Variants in RPTOR observed in about 807,000 individuals in gnomAD.
RPTOR encodes the protein regulatory-associated protein of mTOR.
In RPTOR, 21 loss-of-function variants were observed where a neutral mutation model predicts 169.9. That is an observed-to-expected ratio of 0.12 (90% CI 0.09 to 0.18). The LOEUF (loss-of-function observed/expected upper bound fraction) is 0.18, where lower values mean the gene tolerates loss of function less well. Among genes scored for constraint, RPTOR ranks in the 10% least tolerant of loss-of-function variants. RPTOR has a pLI of 1.00. For synonymous variants in RPTOR, 732 were observed against 753.2 expected (o/e 0.97, Z 0.46); for missense variants, 1,133 against 1,855.9 (o/e 0.61, Z 7.16).
At chr17:80,786,403 T>C (rs1372448573) in intron 6 of RPTOR, among the ~76,000 whole-genome samples, 2 of 152,234 alleles carry the variant, frequency 1.3e-5, no homozygotes, top group Non-Finnish European at 2.9e-5. Flanking sequence ...AATAGTTATT[T>C]GTATGATATT....
At chr17:80,892,349 C>T (rs1010611713) in intron 18 of RPTOR, among the ~76,000 whole-genome samples, 5 of 152,112 alleles carry the variant, frequency 3.3e-5, no homozygotes, top group Non-Finnish European at 7.4e-5. Context: ...TTCTAGGAAG[C>T]CCAGGAGGGG....
rs1252651510 is a variant in RPTOR, at chr17:80,820,688, T to A, written c.891-1513T>A. Reference sequence around the variant, plus strand: ...TCCTCCTGCGCACAGTGGACATGCTTGTTCTGAAGCGAGAGCAGACTGGGG... The same window carrying A: ...TCCTCCTGCGCACAGTGGACATGCTAGTTCTGAAGCGAGAGCAGACTGGGG... On this transcript the variant is annotated intron_variant, in intron 7 of 33. Transcript: ENST00000306801. The surrounding 1 kb of genome is among the most constrained non-coding windows in gnomAD (Gnocchi z 4.1). Among the ~76,000 whole-genome samples, 1 of 152,138 alleles carries A rather than the reference T, an allele frequency of 6.6e-6. No individual in the cohort carries two copies. Among genetic ancestry groups the A allele is most frequent in the Non-Finnish European group, 1.5e-5 (1 of 68,014 alleles).
chr17:80,660,815 C>A (rs1403906729), intron 3 of RPTOR, among the ~76,000 whole-genome samples: 1 of 152,132 alleles, frequency 6.6e-6, no homozygotes, highest in Non-Finnish European at 1.5e-5. Context: ...CCCCCATTCC[C>A]ATCGTTCCCC....
intron 1 of RPTOR, among the ~76,000 whole-genome samples, chr17:80,618,887 C>A (rs970548800): frequency 6.6e-6 from 1 of 152,148 alleles, no homozygotes; most frequent in Admixed American, 6.5e-5. Flanking sequence ...GTGCTTCCTG[C>A]GGGTTTGGTG....
At chr17:80,868,729 T>C (rs998772901) in intron 13 of RPTOR, among the ~76,000 whole-genome samples, 2 of 152,176 alleles carry the variant, frequency 1.3e-5, no homozygotes, top group Non-Finnish European at 1.5e-5. Context: ...AGCCTAAATA[T>C]ACATTAACAA....
chr17:80,608,473 G>A (rs967638753), intron 1 of RPTOR, among the ~76,000 whole-genome samples: 3 of 152,086 alleles, frequency 2.0e-5, no homozygotes, highest in Admixed American at 6.5e-5. Flanking sequence ...GTTTGTCACC[G>A]ATAATCCAGA....
At chr17:80,743,874 G>C (rs1156712644) in intron 5 of RPTOR, among the ~76,000 whole-genome samples, 8 of 92,898 alleles carry the variant, frequency 8.6e-5, no homozygotes, top group South Asian at 3.7e-4. Flanking sequence ...TACTAGCACA[G>C]CCCTGGCTAC....
intron 1 of RPTOR, among the ~76,000 whole-genome samples, chr17:80,571,389 G>C (rs1022009671): frequency 6.6e-6 from 1 of 152,098 alleles, no homozygotes; most frequent in African/African-American, 2.4e-5. Context: ...AAAAACATCT[G>C]TGTGCCCCCA....
intron 3 of RPTOR, among the ~76,000 whole-genome samples, chr17:80,682,966 AATTT>A (rs200802880): frequency 0.014 from 2,096 of 151,982 alleles, 50 homozygotes; most frequent in African/African-American, 0.048. Flanking sequence ...ACACCCAGCT[AATTT>A]ATTTATTTTT....
chr17:80,829,002 T>C (rs190051905), intron 9 of RPTOR, among the ~76,000 whole-genome samples: 1 of 152,214 alleles, frequency 6.6e-6, no homozygotes, highest in African/African-American at 2.4e-5. Context: ...CTAAACAGAT[T>C]TATAAATAAA....
intron 3 of RPTOR, among the ~76,000 whole-genome samples, chr17:80,668,835 GCATGAGAATGTTGTTCC>G (rs1388883305): frequency 2.6e-5 from 4 of 152,356 alleles, no homozygotes; most frequent in African/African-American, 9.6e-5. Flanking sequence ...TCGGGTTTGA[GCATGAGAATGTTGTTCC>G]CATGATTTCA....
chr17:80,841,379 A>C (rs1400081614), intron 10 of RPTOR, among the ~76,000 whole-genome samples: 4 of 92,184 alleles, frequency 4.3e-5, no homozygotes, highest in African/African-American at 9.2e-5. Context: ...GCTCACACTC[A>C]CCGCACGGCA....
rs1401616567 is a variant in RPTOR, at chr17:80,754,792, A to C, written c.830+607A>C. ...ATATTCTCCCCTAGACCATCTTGCC[A>C]GTCTTTAATATCTCCTTTCCCATTT... On this transcript the variant is annotated intron_variant, in intron 6 of 33. Coordinates refer to ENST00000306801, the MANE Select transcript of RPTOR (RefSeq NM_020761.3). This position sits in a 1 kb window ranked among gnomAD's most constrained non-coding sequence, Gnocchi z 4.2. Among the ~76,000 whole-genome samples the C allele has an allele frequency of 6.6e-6, 1 of 152,154 alleles. No individual in the cohort carries two copies. Among genetic ancestry groups the C allele is most frequent in the Non-Finnish European group, 1.5e-5 (1 of 68,018 alleles).
intron 3 of RPTOR, among the ~76,000 whole-genome samples, chr17:80,645,777 G>A (rs2065590581): frequency 6.6e-6 from 1 of 152,220 alleles, no homozygotes; most frequent in Non-Finnish European, 1.5e-5. Context: ...GTAGGTCAGT[G>A]ATGACAGCCA....
At chr17:80,859,130 C>A (rs940563464) in intron 13 of RPTOR, among the ~76,000 whole-genome samples, 1 of 152,196 alleles carries the variant, frequency 6.6e-6, no homozygotes, top group Non-Finnish European at 1.5e-5. Context: ...CCAGAGACAA[C>A]TGGTCAGGAG....
intron 20 of RPTOR, among the ~76,000 whole-genome samples, chr17:80,903,603 C>T (rs925353321): frequency 6.6e-6 from 1 of 152,214 alleles, no homozygotes; most frequent in African/African-American, 2.4e-5. Context: ...AGGCTGGCCT[C>T]GAACTCTTGG....
intron 9 of RPTOR, among the ~76,000 whole-genome samples, chr17:80,832,166 T>C (rs2067512583): frequency 6.6e-6 from 1 of 152,084 alleles, no homozygotes; most frequent in Non-Finnish European, 1.5e-5. Flanking sequence ...GGTAGTTAGG[T>C]GTACTAGTTG....
In RPTOR at chr17:80,545,732, C is replaced by T; in HGVS notation, c.103C>T (p.His35Tyr). ...ACCTTTGGCTTTTATGAAAAAGAGG[C>T]ACTGTGAGAAAATTGAAGGCTCCAA... is the stretch of plus-strand genomic sequence containing the variant. Reference protein sequence around the residue: ...NLPLAFMKKRHCEKIEGSKSL... With the variant: ...NLPLAFMKKRYCEKIEGSKSL... The change falls in exon 1 of 34, where the codon CAC (histidine) becomes TAC (tyrosine). Residue 35 changes from histidine (H) to tyrosine (Y), a missense_variant. Physicochemically the swap from His to Tyr is moderately conservative, Grantham distance 83. Transcript: ENST00000306801. 6.2e-7 allele frequency: 1 copy of T among 1,613,736 alleles called. No homozygotes were observed. Among genetic ancestry groups the T allele is most frequent in the Non-Finnish European group, 8.5e-7 (1 of 1,179,792 alleles).
intron 20 of RPTOR, among the ~76,000 whole-genome samples, chr17:80,908,101 C>T (rs940961241): frequency 7.9e-5 from 12 of 151,324 alleles, no homozygotes; most frequent in East Asian, 1.9e-4. Flanking sequence ...GCCGCACCGA[C>T]GAATCCTCAC....
Sources: allele counts gnomAD v4.1 joint callset (sites outside exome capture counted in the v4.1 genomes callset), GRCh38; gene constraint gnomAD v4.1.1; non-coding constraint Gnocchi (gnomAD v3.1); transcripts MANE v1.5; gene names NCBI Gene and HGNC (gene_info 2026-07-23, HGNC 2026-07-21).